Variants in GLDC observed in about 807,000 individuals in gnomAD.
GLDC encodes glycine dehydrogenase (decarboxylating), mitochondrial.
Under a neutral mutation model 121.3 loss-of-function variants are expected in GLDC, and 104 were observed. The observed-to-expected ratio is 0.86, with a 90% CI of 0.73 to 1.01. The LOEUF is 1.01. Ranked by LOEUF, GLDC falls within the 50% of genes least tolerant of loss-of-function variation. GLDC has a pLI of 0.00. For synonymous variants in GLDC, 546 were observed against 480.6 expected, an observed-to-expected ratio of 1.14 and a Z score of -1.78; for missense variants, 1,429 against 1,306.6, an observed-to-expected ratio of 1.09 and a Z score of -1.44.
chr9:6,634,456 G>A (rs1819457656), intron 2 of GLDC, among the ~76,000 whole-genome samples: 1 of 151,968 alleles, frequency 6.6e-6, no homozygotes, highest in South Asian at 2.1e-4. Context: ...TTGAGCCTGG[G>A]AGGCAGAGGT....
At chr9:6,538,009 T>C (rs1587910656) in intron 22 of GLDC, among the ~76,000 whole-genome samples, 2 of 152,228 alleles carry the variant, frequency 1.3e-5, no homozygotes, top group African/African-American at 4.8e-5. Flanking sequence ...TCTGTTCACA[T>C]ATTTTTGTGA....
At chr9:6,629,929 C>CTATATATATATCTATGTATATATATATA (rs1477004462) in intron 2 of GLDC, among the ~76,000 whole-genome samples, 1 of 102,168 alleles carries the variant, frequency 9.8e-6, no homozygotes, top group African/African-American at 4.8e-5. Flanking sequence ...TTGCTTTTCA[C>CTATATATATATCTATGTATATATATATA]TATATATATA....
At chr9:6,604,360 T>C (rs1157931462) in intron 7 of GLDC, among the ~76,000 whole-genome samples, 1 of 152,190 alleles carries the variant, frequency 6.6e-6, no homozygotes, top group African/African-American at 2.4e-5. Context: ...ATGACTTCGA[T>C]ACATTGTAAA....
chr9:6,594,838 A>T (rs1818459529), intron 9 of GLDC, among the ~76,000 whole-genome samples, 176 bp downstream of exon 9: 1 of 152,126 alleles, frequency 6.6e-6, no homozygotes, highest in South Asian at 2.1e-4. Flanking sequence ...AAAGAAAAAG[A>T]AAGAGAAAGA....
At chr9:6,536,024 T>C (rs1191556533) in intron 23 of GLDC, 40 bp downstream of exon 23, 8 of 1,563,696 alleles carry the variant, frequency 5.1e-6, no homozygotes, top group Admixed American at 1.7e-5. Flanking sequence ...CATTTTCTAG[T>C]TTAAGGAACA....
chr9:6,535,058 G>C (rs541744761), intron 23 of GLDC, among the ~76,000 whole-genome samples: 2 of 152,054 alleles, frequency 1.3e-5, no homozygotes, highest in East Asian at 3.9e-4. Flanking sequence ...TTACCTACAC[G>C]TTTGGTGCTG....
chr9:6,637,109 G>C (rs770924934), intron 2 of GLDC, among the ~76,000 whole-genome samples: 1 of 149,198 alleles, frequency 6.7e-6, no homozygotes, highest in Non-Finnish European at 1.5e-5. Flanking sequence ...AAAAAAGTCC[G>C]GGCACAATGG....
At chr9:6,597,510 C>G (rs1010074775) in intron 8 of GLDC, among the ~76,000 whole-genome samples, 2 of 151,700 alleles carry the variant, frequency 1.3e-5, no homozygotes, top group African/African-American at 4.8e-5. Flanking sequence ...GCAGGAGGAT[C>G]GCTTGAGGCC....
intron 15 of GLDC, among the ~76,000 whole-genome samples, chr9:6,567,653 G>A (rs556173314): frequency 1.4e-4 from 22 of 152,210 alleles, no homozygotes; most frequent in South Asian, 1.0e-3. Context: ...CAAGAACACT[G>A]ACATAAAAAA....
intron 22 of GLDC, among the ~76,000 whole-genome samples, chr9:6,538,031 G>A (rs1039105298): frequency 6.6e-6 from 1 of 152,106 alleles, no homozygotes; most frequent in South Asian, 2.1e-4. Flanking sequence ...AAAACTTACA[G>A]TGAAATGCAC....
intron 5 of GLDC, 79 bp downstream of exon 5, chr9:6,606,513 T>C: frequency 1.1e-6 from 1 of 936,434 alleles, no homozygotes; most frequent in Non-Finnish European, 1.8e-6. Flanking sequence ...CCAATCAGTT[T>C]GGAAGTGAGA....
At chr9:6,618,670 A>G (rs1819014043) in intron 3 of GLDC, among the ~76,000 whole-genome samples, 1 of 152,174 alleles carries the variant, frequency 6.6e-6, no homozygotes, top group South Asian at 2.1e-4. Context: ...ATGGAAGTGG[A>G]CTAGAAGTAT....
chr9:6,545,693 T>A (rs978696521), intron 21 of GLDC, among the ~76,000 whole-genome samples: 1 of 152,208 alleles, frequency 6.6e-6, no homozygotes, highest in East Asian at 1.9e-4. Flanking sequence ...CAGGCTGGAG[T>A]GCAGTGGCGC....
rs545559387 is a variant in GLDC, at chr9:6,644,603, C to T, written c.334+11G>A. ...TAATCTAAGTCCAAGGGAGCCCTCC[C>T]GGCCACTTACAAACAGGGTCTTCCA... On this transcript the variant is annotated intron_variant, in intron 2 of 24. Coordinates refer to ENST00000321612, the MANE Select transcript of GLDC (RefSeq NM_000170.3). 9 of 1,590,138 alleles carry T rather than the reference C, an allele frequency of 5.7e-6. No individual in the cohort carries two copies. Among genetic ancestry groups the T allele is most frequent in the African/African-American group, 1.3e-5 (1 of 74,446 alleles).
In GLDC at chr9:6,588,440, T is replaced by A. The variant is rs760801304; in HGVS notation, c.1668A>T (p.Gly556=). ...ISLVHSMIPL[G]SCTMKLNSSS... ...AACTGTTCAGTTTCATGGTGCAGGATCCCTTTAAGAAGAACATCCAAAATG... is the reference window on the plus strand; with the variant it reads ...AACTGTTCAGTTTCATGGTGCAGGAACCCTTTAAGAAGAACATCCAAAATG... Residue 556 remains glycine (G), a splice_region_variant and synonymous_variant, in exon 14 of 25, where the codon GGA becomes GGT. Coordinates refer to ENST00000321612, the MANE Select transcript of GLDC (RefSeq NM_000170.3). The A allele has an allele frequency of 6.2e-7, 1 of 1,611,732 alleles. No homozygotes were observed. Among genetic ancestry groups the A allele is most frequent in the Admixed American group, 1.7e-5 (1 of 60,016 alleles).
At chr9:6,539,399 A>T (rs766191680) in intron 22 of GLDC, among the ~76,000 whole-genome samples, 2 of 152,260 alleles carry the variant, frequency 1.3e-5, no homozygotes, top group South Asian at 2.1e-4. Context: ...GAATCACTTG[A>T]ACCCAGGAGG....
At chr9:6,594,885 A>C in intron 9 of GLDC, 129 bp downstream of exon 9, 1 of 722,474 alleles carries the variant, frequency 1.4e-6, no homozygotes, top group Admixed American at 1.8e-5. Context: ...TGGATGTTGA[A>C]AGTATTTTTC....
rs1288374750 is a variant in GLDC at position 6,556,140 on chromosome 9, C to T, written c.2202+13G>A. 1.2e-6 allele frequency: 2 copies of T among 1,608,246 alleles called. No homozygotes were observed. Among genetic ancestry groups the T allele is most frequent in the Non-Finnish European group, 1.7e-6 (2 of 1,176,122 alleles). On this transcript the variant is annotated intron_variant, in intron 18 of 24. Coordinates refer to ENST00000321612, the MANE Select transcript of GLDC (RefSeq NM_000170.3). Reference sequence around the variant, plus strand: ...CTCAGTGGGAACTAAGGGCGGGCCTCTTCAGTTCCCACCTGAGCATTCATA... The same window carrying T: ...CTCAGTGGGAACTAAGGGCGGGCCTTTTCAGTTCCCACCTGAGCATTCATA...
chr9:6,620,556 T>A (rs1026265633), intron 2 of GLDC, among the ~76,000 whole-genome samples: 13 of 152,106 alleles, frequency 8.5e-5, no homozygotes, highest in African/African-American at 2.9e-4. Context: ...GTTTTGACTG[T>A]TCCTTATTCG....
Sources: allele counts gnomAD v4.1 joint callset (sites outside exome capture counted in the v4.1 genomes callset), GRCh38; gene constraint gnomAD v4.1.1; transcripts MANE v1.5; gene names NCBI Gene and HGNC (gene_info 2026-07-23, HGNC 2026-07-21).